Variants in AKAP8L observed in about 807,000 individuals in gnomAD.
AKAP8L encodes the protein A-kinase anchor protein 8-like.
Under a neutral mutation model 77.5 loss-of-function variants are expected in AKAP8L, and 34 were observed. The ratio of observed to expected loss-of-function variants is 0.44; its 90% CI spans 0.33 to 0.58. The LOEUF (loss-of-function observed/expected upper bound fraction) is 0.58. Ranked by LOEUF, AKAP8L falls within the 20% of genes least tolerant of loss-of-function variation. The pLI is 0.02. For synonymous variants in AKAP8L, 342 were observed against 340.7 expected (o/e 1.00, Z -0.04); for missense variants, 806 against 887.6 (o/e 0.91, Z 1.17).
rs1195178103 is a variant in AKAP8L, at chr19:15,405,111, A to G, written c.89-1069T>C. On this transcript the variant is annotated intron_variant, in intron 2 of 13. Transcript: ENST00000397410. ...TTGCAGTCCCAGGCACTGCTCAGGC[A>G]TGGAGATCTGCCTGTTGGTAAGAGA... Among the ~76,000 whole-genome samples the G allele has an allele frequency of 2.0e-5, 3 of 152,362 alleles. No individual in the cohort carries two copies. The East Asian group carries it at 5.8e-4, about 29-fold the overall frequency.
In AKAP8L at chr19:15,398,066, CAG is replaced by C. The variant is rs1967814767; in HGVS notation, c.1158-213_1158-212del. 1 of 589,636 alleles carries C rather than the reference CAG, an allele frequency of 1.7e-6. No homozygotes were observed. The highest frequency in any genetic ancestry group is 3.0e-6 in the Non-Finnish European group (1 of 334,976). 36.5% of individuals were successfully genotyped at this position (589,636 alleles called of 1,614,324 possible). A position where few individuals can be genotyped will look rare whatever the true frequency, so the allele number is the denominator to read the frequency against. ...GCTGCAGTTACTGCAACGTAGGGGA[CAG>C]GGGAGGAGCTCTTCCTTCCCACAGG... On this transcript the variant is annotated intron_variant, in intron 9 of 13. Coordinates refer to ENST00000397410, the MANE Select transcript of AKAP8L (RefSeq NM_014371.4). This position sits in a 1 kb window ranked among gnomAD's most constrained non-coding sequence, Gnocchi z 9.2.
At chr19:15,393,893 ATC>A (rs986715933) in intron 12 of AKAP8L, among the ~76,000 whole-genome samples, 13 of 137,714 alleles carry the variant, frequency 9.4e-5, no homozygotes, top group Non-Finnish European at 1.4e-4. Context: ...AGAAGAGCGA[ATC>A]TCTGTCTCAA....
At chr19:15,393,018 A>C (rs1187345586) in intron 12 of AKAP8L, among the ~76,000 whole-genome samples, 1 of 152,110 alleles carries the variant, frequency 6.6e-6, no homozygotes, top group Non-Finnish European at 1.5e-5. Flanking sequence ...ATATTCATGG[A>C]TTAGAAGACT....
In AKAP8L at chr19:15,399,088, G is replaced by A; in HGVS notation, c.1157+214C>T. On this transcript the variant is annotated intron_variant, in intron 9 of 13. Transcript: ENST00000397410. This position sits in a 1 kb window ranked among gnomAD's most constrained non-coding sequence, Gnocchi z 6.1. Reference sequence around the variant, plus strand: ...GAGCGGTGTCAGGTCTCGGCCCACAGACGCCAGCGGTCGCCAGGCGGCCGC... The same window carrying A: ...GAGCGGTGTCAGGTCTCGGCCCACAAACGCCAGCGGTCGCCAGGCGGCCGC... 1 of 580,420 alleles carries A rather than the reference G, an allele frequency of 1.7e-6. No individual in the cohort carries two copies. Among genetic ancestry groups the A allele is most frequent in the Non-Finnish European group, 3.1e-6 (1 of 327,642 alleles). The allele number at this position is 580,420 out of a possible 1,614,324, so 36.0% of individuals were successfully genotyped here. A position where few individuals can be genotyped will look rare whatever the true frequency, so the allele number is the denominator to read the frequency against.
chr19:15,409,030 G>A (rs1320689841), intron 2 of AKAP8L, among the ~76,000 whole-genome samples: 1 of 152,014 alleles, frequency 6.6e-6, no homozygotes. Flanking sequence ...ATGGATCACA[G>A]ACTAAATGTA....
chr19:15,414,285 G>A (rs939182626), intron 1 of AKAP8L, among the ~76,000 whole-genome samples: 1 of 151,914 alleles, frequency 6.6e-6, no homozygotes, highest in Non-Finnish European at 1.5e-5. Flanking sequence ...TCAAACTCCC[G>A]ACCTCAGAAG....
chr19:15,392,461 C>T (rs779182208), intron 12 of AKAP8L, among the ~76,000 whole-genome samples: 1 of 151,390 alleles, frequency 6.6e-6, no homozygotes, highest in Non-Finnish European at 1.5e-5. Context: ...GGTGCCACTG[C>T]ACTCCAGCCT....
chr19:15,396,733 T>C (rs530564516), intron 12 of AKAP8L, among the ~76,000 whole-genome samples: 1 of 152,320 alleles, frequency 6.6e-6, no homozygotes, highest in Non-Finnish European at 1.5e-5. Flanking sequence ...CTGAAGTCTC[T>C]AGTTCAACAC....
In AKAP8L at chr19:15,397,776, G is replaced by C; in HGVS notation, c.1237C>G (p.His413Asp). Residue 413 changes from histidine (H) to aspartate (D), a missense_variant, in exon 10 of 14, where the codon CAC becomes GAC. By Grantham distance (81) the His-to-Asp change is moderately conservative. Coordinates refer to ENST00000397410, the MANE Select transcript of AKAP8L (RefSeq NM_014371.4). This position sits in a 1 kb window ranked among gnomAD's most constrained non-coding sequence, Gnocchi z 4.7. ...CCTACGTACTTAAAGTGTTCCTTGT[G>C]GAACTTGCTGTCAAGATGGCTGGCC... Reference protein sequence around the residue: ...EMASHLDSKFHKEHFKYVGTK... With the variant: ...EMASHLDSKFDKEHFKYVGTK... 2 of 1,614,014 alleles carry C rather than the reference G, an allele frequency of 1.2e-6. No homozygotes were observed. Among genetic ancestry groups the C allele is most frequent in the Non-Finnish European group, 1.7e-6 (2 of 1,179,878 alleles).
rs530771954 is a variant in AKAP8L, at chr19:15,380,373, C to T, written c.1690G>A (p.Gly564Ser). 2.2e-5 allele frequency: 35 copies of T among 1,570,926 alleles called. No individual in the cohort carries two copies. The African/African-American group carries it at 3.8e-4, about 17-fold the overall frequency. Residue 564 changes from glycine to serine, a missense_variant, in exon 14 of 14, where the codon GGC (glycine) becomes AGC (serine). Physicochemically the swap from Gly to Ser is moderately conservative, Grantham distance 56 (BLOSUM62 0). Around this residue, in one of 2 missense-constraint regions of AKAP8L, gnomAD observed 226 missense variants for 193.5 expected, o/e 1.17. Coordinates refer to ENST00000397410, the MANE Select transcript of AKAP8L (RefSeq NM_014371.4). ...EEEKEQEEAE[G>S]GALDEGAQGE... Reference sequence around the variant, plus strand: ...TGCGCCCCCTCGTCCAGGGCACCGCCCTCAGCCTCCTCCTGCTCCTTCTCC... The same window carrying T: ...TGCGCCCCCTCGTCCAGGGCACCGCTCTCAGCCTCCTCCTGCTCCTTCTCC...
In AKAP8L at chr19:15,401,390, T is replaced by C. The variant is rs1967895493; in HGVS notation, c.576A>G (p.Pro192=). 2 of 1,613,078 alleles carry C rather than the reference T, an allele frequency of 1.2e-6. No individual in the cohort carries two copies. The highest frequency in any genetic ancestry group is 1.7e-6 in the Non-Finnish European group (2 of 1,179,814). The change falls in exon 5 of 14, where the codon CCA becomes CCG. Residue 192 remains proline (P), a synonymous_variant. Transcript: ENST00000397410. This position sits in a 1 kb window ranked among gnomAD's most constrained non-coding sequence, Gnocchi z 6.2. ...GWARDARSGR[P]MASGYGRMWE... is the part of the protein sequence containing the mutation. Reference sequence around the variant, plus strand: ...ACATGCGCCCATAGCCTGAGGCCATTGGCCGGCCGCTCCGGGCATCCCGGG... The same window carrying C: ...ACATGCGCCCATAGCCTGAGGCCATCGGCCGGCCGCTCCGGGCATCCCGGG...
chr19:15,413,340 C>CT (rs1291593980), intron 1 of AKAP8L, among the ~76,000 whole-genome samples: 1 of 152,170 alleles, frequency 6.6e-6, no homozygotes, highest in Non-Finnish European at 1.5e-5. Flanking sequence ...ATACAAGGTG[C>CT]TTCCCCAGAC....
At chr19:15,406,400 A>AGAGAGAGAGAGAGAGG (rs1183555648) in intron 2 of AKAP8L, among the ~76,000 whole-genome samples, 7 of 146,430 alleles carry the variant, frequency 4.8e-5, no homozygotes, top group African/African-American at 1.7e-4. Flanking sequence ...AGAGAGAGAG[A>AGAGAGAGAGAGAGAGG]GAGATCCTTA....
rs1333324343 is a variant in AKAP8L, at chr19:15,403,513, G to T, written c.324C>A (p.Asp108Glu). ...AGCCGTACACGCCTCCTTGCATCATGTCTGTCTCCAAATGCGGCACCATAT... is the reference window on the plus strand; with the variant it reads ...AGCCGTACACGCCTCCTTGCATCATTTCTGTCTCCAAATGCGGCACCATAT... ...RLDMVPHLET[D>E]MMQGGVYGSG... Residue 108 changes from aspartate to glutamate, a missense_variant, in exon 4 of 14, where the codon GAC becomes GAA. This residue lies in a region of AKAP8L where 580 missense variants were observed against 694.1 expected (regional missense o/e 0.84). Transcript: ENST00000397410. This position sits in a 1 kb window ranked among gnomAD's most constrained non-coding sequence, Gnocchi z 4.3. 2 of 1,613,864 alleles carry T rather than the reference G, an allele frequency of 1.2e-6. No individual in the cohort carries two copies. The highest frequency in any genetic ancestry group is 1.7e-6 in the Non-Finnish European group (2 of 1,179,900).
In AKAP8L at chr19:15,399,312, T is replaced by G. The variant is rs745701913; in HGVS notation, c.1147A>C (p.Met383Leu). 7 of 1,613,772 alleles carry G rather than the reference T, an allele frequency of 4.3e-6. No homozygotes were observed. The highest frequency in any genetic ancestry group is 5.9e-6 in the Non-Finnish European group (7 of 1,179,756). Residue 383 changes from methionine to leucine, a missense_variant, in exon 9 of 14, where the codon ATG (methionine) becomes CTG (leucine). By Grantham distance (15) the Met-to-Leu change is conservative (BLOSUM62 2). Transcript: ENST00000397410. This position sits in a 1 kb window ranked among gnomAD's most constrained non-coding sequence, Gnocchi z 6.1. ...AGGGAAGCTGGTTACCTTTCCACCA[T>G]GCGGTCTCGCTGCCGCTTTTTCTGC... ...DKQKKRQRDR[M>L]VERIQFVCSL...
intron 12 of AKAP8L, among the ~76,000 whole-genome samples, chr19:15,389,267 G>GT (rs1232570880): frequency 6.6e-6 from 1 of 150,570 alleles, no homozygotes; most frequent in Non-Finnish European, 1.5e-5. Flanking sequence ...GTGAACTTGT[G>GT]TATCAAAAGA....
At chr19:15,410,951 T>TATAC (rs1491348398) in intron 1 of AKAP8L, among the ~76,000 whole-genome samples, 1 of 152,188 alleles carries the variant, frequency 6.6e-6, no homozygotes, top group African/African-American at 2.4e-5. Flanking sequence ...TAGCTGAGAC[T>TATAC]ATACGTTCGT....
intron 12 of AKAP8L, among the ~76,000 whole-genome samples, chr19:15,386,938 C>T (rs1183351860): frequency 6.6e-6 from 1 of 152,174 alleles, no homozygotes; most frequent in Admixed American, 6.6e-5. Flanking sequence ...GGATTACAGG[C>T]GTGAGCCACT....
chr19:15,404,133 G>T, intron 2 of AKAP8L, 91 bp from the exon 3 acceptor site: 2 of 1,364,224 alleles, frequency 1.5e-6, no homozygotes, highest in Non-Finnish European at 2.1e-6. Context: ...GGACCTGACT[G>T]GTCAGAGCAG....
Sources: allele counts gnomAD v4.1 joint callset (sites outside exome capture counted in the v4.1 genomes callset), GRCh38; gene constraint gnomAD v4.1.1; regional missense constraint gnomAD v4.1.1; non-coding constraint Gnocchi (gnomAD v3.1); transcripts MANE v1.5; gene names NCBI Gene and HGNC (gene_info 2026-07-23, HGNC 2026-07-21).